Variants in NPFFR2 observed in about 807,000 individuals in gnomAD.
NPFFR2 encodes G-protein coupled receptor 74.
NPFFR2 carries 15 observed loss-of-function variants against 13.1 expected under a neutral mutation model. The observed-to-expected ratio is 1.15, with a 90% CI of 0.77 to 1.76. The LOEUF (loss-of-function observed/expected upper bound fraction) is 1.76. NPFFR2 is among the 40% of genes most tolerant of loss of function. NPFFR2 has a pLI of 0.00. For synonymous variants in NPFFR2, 190 were observed against 175.7 expected, an observed-to-expected ratio of 1.08 and a Z score of -0.65; for missense variants, 572 against 503.5, an observed-to-expected ratio of 1.14 and a Z score of -1.30.
chr4:72,114,678 C>T (rs895261938), intron 1 of NPFFR2, among the ~76,000 whole-genome samples: 3 of 152,108 alleles, frequency 2.0e-5, no homozygotes, highest in African/African-American at 4.8e-5. Flanking sequence ...ACAATCTTCT[C>T]CTGACCCCAG....
At chr4:72,035,717 T>TA (rs1470249772) in intron 1 of NPFFR2, among the ~76,000 whole-genome samples, 1 of 152,112 alleles carries the variant, frequency 6.6e-6, no homozygotes, top group African/African-American at 2.4e-5. Flanking sequence ...AAAAAACAAA[T>TA]AAAATAACTC....
chr4:72,059,052 G>A (rs537536129), intron 1 of NPFFR2, among the ~76,000 whole-genome samples: 92 of 152,030 alleles, frequency 6.1e-4, no homozygotes, highest in Non-Finnish European at 1.1e-3. Context: ...TCTGGCCGTA[G>A]ACCATTGTTC....
chr4:72,067,088 C>T (rs1439583528), intron 1 of NPFFR2, among the ~76,000 whole-genome samples: 2 of 152,004 alleles, frequency 1.3e-5, no homozygotes, highest in Non-Finnish European at 2.9e-5. Context: ...GAGGGGCGTC[C>T]TTTGAAATCT....
At chr4:72,141,748 T>A (rs958632410) in intron 3 of NPFFR2, among the ~76,000 whole-genome samples, 2 of 152,118 alleles carry the variant, frequency 1.3e-5, no homozygotes, top group African/African-American at 4.8e-5. Flanking sequence ...TGATTTGGGG[T>A]GGAGAGTTCG....
chr4:72,108,008 G>C (rs915321348), intron 1 of NPFFR2, among the ~76,000 whole-genome samples: 5 of 151,778 alleles, frequency 3.3e-5, no homozygotes, highest in African/African-American at 4.8e-5. Flanking sequence ...GAATATAGGC[G>C]ATCAATGAAC....
chr4:72,131,405 A>G (rs539481256), intron 2 of NPFFR2, among the ~76,000 whole-genome samples: 15 of 133,014 alleles, frequency 1.1e-4, no homozygotes, highest in African/African-American at 3.4e-4. Context: ...ATGAGATCAC[A>G]TGGACACAGG....
chr4:72,143,305 A>G (rs1198293557), intron 3 of NPFFR2, among the ~76,000 whole-genome samples: 1 of 152,204 alleles, frequency 6.6e-6, no homozygotes, highest in Non-Finnish European at 1.5e-5. Flanking sequence ...TCAGAAAGCC[A>G]GTGATATTAT....
At chr4:72,141,835 A>G (rs907446386) in intron 3 of NPFFR2, among the ~76,000 whole-genome samples, 2 of 152,140 alleles carry the variant, frequency 1.3e-5, no homozygotes, top group Non-Finnish European at 2.9e-5. Context: ...TGTCTCATTG[A>G]TCTGTCTAAT....
chr4:72,144,360 G>T (rs561980515), intron 3 of NPFFR2, among the ~76,000 whole-genome samples: 1 of 152,198 alleles, frequency 6.6e-6, no homozygotes, highest in East Asian at 1.9e-4. Flanking sequence ...CATTTTTGTT[G>T]CATTCTATTC....
chr4:72,083,117 A>AT (rs1426497166), intron 1 of NPFFR2, among the ~76,000 whole-genome samples: 1 of 152,182 alleles, frequency 6.6e-6, no homozygotes, highest in Admixed American at 6.6e-5. Flanking sequence ...TCACACTTGA[A>AT]TAATGGCTAC....
At chr4:72,076,205 C>G (rs1393706318) in intron 1 of NPFFR2, among the ~76,000 whole-genome samples, 1 of 150,846 alleles carries the variant, frequency 6.6e-6, no homozygotes. Flanking sequence ...TAATTTAAAG[C>G]AAATACATTT....
At chr4:72,041,301 A>C (rs1719212646) in intron 1 of NPFFR2, among the ~76,000 whole-genome samples, 1 of 152,242 alleles carries the variant, frequency 6.6e-6, no homozygotes, top group Admixed American at 6.5e-5. Context: ...CTCCAGCCGT[A>C]TCCATGTTGC....
intron 2 of NPFFR2, among the ~76,000 whole-genome samples, chr4:72,135,032 A>T (rs1722366358): frequency 6.6e-6 from 1 of 152,128 alleles, no homozygotes; most frequent in Non-Finnish European, 1.5e-5. Flanking sequence ...AGTTAGCTGT[A>T]TGAAGAAGTC....
At chr4:72,118,553 C>T (rs1721777187) in intron 1 of NPFFR2, among the ~76,000 whole-genome samples, 1 of 152,002 alleles carries the variant, frequency 6.6e-6, no homozygotes, top group Admixed American at 6.6e-5. Context: ...AATTAGACTC[C>T]AGAGCCTGTT....
At chr4:72,043,648 T>C (rs1451342293) in intron 1 of NPFFR2, among the ~76,000 whole-genome samples, 1 of 152,238 alleles carries the variant, frequency 6.6e-6, no homozygotes, top group Non-Finnish European at 1.5e-5. Flanking sequence ...GCCCCTTTGT[T>C]TTCACTAATT....
At chr4:72,076,210 A>G (rs1458368955) in intron 1 of NPFFR2, among the ~76,000 whole-genome samples, 1 of 151,206 alleles carries the variant, frequency 6.6e-6, no homozygotes, top group Non-Finnish European at 1.5e-5. Flanking sequence ...TAAAGCAAAT[A>G]CATTTTTGGA....
intron 1 of NPFFR2, among the ~76,000 whole-genome samples, chr4:72,089,011 CCA>C (rs1375178371): frequency 2.6e-5 from 4 of 151,970 alleles, no homozygotes; most frequent in African/African-American, 9.7e-5. Flanking sequence ...TCCTCAAAAT[CCA>C]TTGTATCATT....
At position 72,147,563 on chromosome 4, in the gene NPFFR2, G is replaced by A; in HGVS notation, c.1014G>A (p.Glu338=). Residue 338 remains glutamate, a synonymous_variant, in exon 4 of 4, where the codon GAG becomes GAA. Coordinates refer to ENST00000308744, the MANE Select transcript of NPFFR2 (RefSeq NM_004885.3). ...VNPIIYGFFN[E]NFRRGFQEAF... ...CCATCATTTATGGTTTCTTCAACGA[G>A]AATTTCCGCCGTGGTTTCCAAGAAG... The A allele has an allele frequency of 6.2e-7, 1 of 1,614,182 alleles. No homozygotes were observed. The highest frequency in any genetic ancestry group is 1.7e-5 in the Admixed American group (1 of 60,026).
intron 1 of NPFFR2, among the ~76,000 whole-genome samples, chr4:72,038,823 T>G (rs1208684825): frequency 6.6e-6 from 1 of 151,630 alleles, no homozygotes; most frequent in Admixed American, 6.6e-5. Context: ...TATACATATA[T>G]AGAGATATAA....
Sources: allele counts gnomAD v4.1 joint callset (sites outside exome capture counted in the v4.1 genomes callset), GRCh38; gene constraint gnomAD v4.1.1; transcripts MANE v1.5; gene names NCBI Gene and HGNC (gene_info 2026-07-23, HGNC 2026-07-21).